OPA1: variants seen among roughly 807,000 people sequenced by gnomAD.
The protein encoded by OPA1 is dynamin-like GTPase OPA1, mitochondrial.
A neutral mutation model predicts 152.9 loss-of-function variants in OPA1; 59 were observed. That is an observed-to-expected ratio of 0.39 (90% CI 0.31 to 0.48). OPA1 has a LOEUF of 0.48. OPA1 is among the 20% of genes least tolerant of loss of function. OPA1 has a pLI of 0.96. For synonymous variants in OPA1, 400 were observed against 389.9 expected (o/e 1.03, Z -0.31); for missense variants, 1,008 against 1,216.8 (o/e 0.83, Z 2.55).
At chr3:193,646,761 AG>A (rs1734707202) in intron 18 of OPA1, among the ~76,000 whole-genome samples, 1 of 152,200 alleles carries the variant, frequency 6.6e-6, no homozygotes, top group East Asian at 1.9e-4. Flanking sequence ...CGACAGTGCA[AG>A]ATTCCAATTC....
In OPA1 at chr3:193,617,939, T is replaced by C. The variant is rs377438559; in HGVS notation, c.610+102T>C. The C allele has an allele frequency of 8.0e-5, 63 of 791,550 alleles. No homozygotes were observed. The African/African-American group carries it at 9.6e-4, about 12-fold the overall frequency. 49.0% of individuals were successfully genotyped at this position (791,550 alleles called of 1,614,324 possible). On this transcript the variant is annotated intron_variant, in intron 5 of 30. Coordinates refer to ENST00000361510, the MANE Select transcript of OPA1 (RefSeq NM_130837.3). ...CAGACCAAATTTATAATGCTGCTTA[T>C]GCTGAATTTTAAAACCCCAGAACTA... is the stretch of plus-strand genomic sequence containing the variant.
At chr3:193,661,616 T>C (rs894025387) in intron 25 of OPA1, among the ~76,000 whole-genome samples, 2 of 152,208 alleles carry the variant, frequency 1.3e-5, no homozygotes, top group South Asian at 2.1e-4. Flanking sequence ...TATTTTGTGC[T>C]TTTGTGTTTC....
intron 18 of OPA1, chr3:193,646,649 A>T (rs1178999467): frequency 6.5e-6 from 1 of 154,814 alleles, no homozygotes; most frequent in East Asian, 1.9e-4. Flanking sequence ...CTGTAACCCC[A>T]GCTACTCAGG....
chr3:193,668,188 T>C, intron 29 of OPA1: 1 of 649,676 alleles, frequency 1.5e-6, no homozygotes, highest in Non-Finnish European at 2.6e-6. Context: ...GTTCTCCCTT[T>C]CGATATTTGT....
At chr3:193,668,371 G>T in intron 29 of OPA1, 1 of 1,550,872 alleles carries the variant, frequency 6.4e-7, no homozygotes, top group Middle Eastern at 1.7e-4. Flanking sequence ...ACCACATGGC[G>T]CCGCACCCAG....
chr3:193,613,020 C>T (rs1728494726), intron 1 of OPA1, among the ~76,000 whole-genome samples: 1 of 152,104 alleles, frequency 6.6e-6, no homozygotes, highest in Non-Finnish European at 1.5e-5. Flanking sequence ...CAGGGGGTTG[C>T]CAGAGTTTTT....
At chr3:193,606,961 A>T (rs1270353898) in intron 1 of OPA1, among the ~76,000 whole-genome samples, 4 of 152,282 alleles carry the variant, frequency 2.6e-5, no homozygotes, top group South Asian at 4.1e-4. Flanking sequence ...TTGCCATTCT[A>T]ACTGGTGTGA....
chr3:193,635,294 T>C (rs1732761778), intron 8 of OPA1, 124 bp from the exon 9 acceptor site: 2 of 614,504 alleles, frequency 3.3e-6, no homozygotes, highest in Admixed American at 5.7e-5. Flanking sequence ...TAGATGCTTT[T>C]AAAATGTAAT....
At position 193,688,308 on chromosome 3, in the gene OPA1, C is replaced by T. The variant is rs74383016; in HGVS notation, c.2984-3755C>T. Among the ~76,000 whole-genome samples, 742 of 151,962 alleles carry T rather than the reference C, an allele frequency of 4.9e-3. 5 individuals are homozygous for T. The highest frequency in any genetic ancestry group is 0.017 in the African/African-American group (717 of 41,434). Reference sequence around the variant, plus strand: ...TTCTCCAGGGGCTTCTCCAAGTGTGCGTCAATTTAGTCTTCTCAAGAGGGC... The same window carrying T: ...TTCTCCAGGGGCTTCTCCAAGTGTGTGTCAATTTAGTCTTCTCAAGAGGGC... On this transcript the variant is annotated intron_variant, in intron 29 of 30. Coordinates refer to ENST00000361510, the MANE Select transcript of OPA1 (RefSeq NM_130837.3).
intron 11 of OPA1, among the ~76,000 whole-genome samples, chr3:193,641,917 C>A (rs987577802): frequency 1.3e-5 from 2 of 152,174 alleles, no homozygotes; most frequent in African/African-American, 4.8e-5. Flanking sequence ...GAGTTCAAGA[C>A]CAGCCTGGCC....
chr3:193,598,914 A>G (rs762732766), intron 1 of OPA1, among the ~76,000 whole-genome samples: 4 of 152,190 alleles, frequency 2.6e-5, no homozygotes, highest in Non-Finnish European at 5.9e-5. Flanking sequence ...GGGTGAGCTA[A>G]ACGTTGTGGA....
chr3:193,631,960 T>C (rs1338083834), intron 8 of OPA1, among the ~76,000 whole-genome samples: 1 of 152,218 alleles, frequency 6.6e-6, no homozygotes, highest in East Asian at 1.9e-4. Flanking sequence ...TTTACATTGA[T>C]AAGCTAATAC....
intron 22 of OPA1, among the ~76,000 whole-genome samples, chr3:193,656,224 T>C (rs1713772033): frequency 6.6e-6 from 1 of 152,182 alleles, no homozygotes; most frequent in African/African-American, 2.4e-5. Flanking sequence ...CAATTTTTCT[T>C]TCCACTGCTG....
rs534443977 is a variant in OPA1, at chr3:193,662,488, C to G, written c.2521-334C>G. ...CTTTTTCCTAGATTCAAATTATACC[C>G]TACGGTCAAGAAAGAAAGAAAATAC... On this transcript the variant is annotated intron_variant, in intron 25 of 30. Coordinates refer to ENST00000361510, the MANE Select transcript of OPA1 (RefSeq NM_130837.3). Among the ~76,000 whole-genome samples, 16 of 152,234 alleles carry G rather than the reference C, an allele frequency of 1.1e-4. No individual in the cohort carries two copies. The East Asian group carries it at 2.5e-3, about 24-fold the overall frequency.
intron 29 of OPA1, among the ~76,000 whole-genome samples, chr3:193,669,433 T>C (rs992706726): frequency 2.6e-5 from 4 of 152,236 alleles, no homozygotes; most frequent in Non-Finnish European, 5.9e-5. Flanking sequence ...AGTGCTCAAA[T>C]CTGAATTGCC....
At chr3:193,596,614 A>G (rs2108775093) in intron 1 of OPA1, among the ~76,000 whole-genome samples, 1 of 152,124 alleles carries the variant, frequency 6.6e-6, no homozygotes, top group African/African-American at 2.4e-5. Flanking sequence ...TTTCATTTCC[A>G]TGAACTTTTA....
chr3:193,652,085 T>TA (rs1712623511), intron 21 of OPA1, among the ~76,000 whole-genome samples: 1 of 152,134 alleles, frequency 6.6e-6, no homozygotes, highest in Non-Finnish European at 1.5e-5. Flanking sequence ...TCACCTATAA[T>TA]AACACAGAAT....
At chr3:193,651,554 A>C (rs1347686547) in intron 21 of OPA1, among the ~76,000 whole-genome samples, 1 of 152,234 alleles carries the variant, frequency 6.6e-6, no homozygotes, top group Non-Finnish European at 1.5e-5. Context: ...TTTTAAATAA[A>C]TGTGAAGAAA....
At chr3:193,628,857 A>G (rs1731606307) in intron 7 of OPA1, among the ~76,000 whole-genome samples, 1 of 152,162 alleles carries the variant, frequency 6.6e-6, no homozygotes, top group African/African-American at 2.4e-5. Flanking sequence ...AAATGTTTTT[A>G]TATTGTTTCC....
Sources: allele counts gnomAD v4.1 joint callset (sites outside exome capture counted in the v4.1 genomes callset), GRCh38; gene constraint gnomAD v4.1.1; transcripts MANE v1.5; gene names NCBI Gene and HGNC (gene_info 2026-07-23, HGNC 2026-07-21).